The following GPD2 variants were observed in gnomAD, a reference collection of about 807,000 sequenced individuals.
The protein encoded by GPD2 is glycerol-3-phosphate dehydrogenase, mitochondrial.
GPD2 carries 54 observed loss-of-function variants against 82.4 expected under a neutral mutation model. The ratio of observed to expected loss-of-function variants is 0.66; its 90% CI spans 0.53 to 0.82. The LOEUF (loss-of-function observed/expected upper bound fraction) is 0.82, where lower values mean the gene tolerates loss of function less well. Among genes scored for constraint, GPD2 ranks in the 40% least tolerant of loss-of-function variants. The pLI is 0.00. For missense variants in GPD2, 748 were observed against 896.2 expected (o/e 0.83, Z 2.11); for synonymous variants, 288 against 306.1 (o/e 0.94, Z 0.62).
At position 156,555,480 on chromosome 2, in the gene GPD2, C is replaced by T. The variant is rs371185243; in HGVS notation, c.972-1909C>T. ...TAGTCCTTGATATAGTCATATAAAA[C>T]ATGTCAGCATATAATTCGTTTATCA... On this transcript the variant is annotated intron_variant, in intron 8 of 16. Transcript: ENST00000438166. 1.7e-3 allele frequency among the ~76,000 whole-genome samples: 253 copies of T among 152,218 alleles called. 10 individuals carry two copies. In the South Asian group the frequency reaches 0.032, roughly 19 times the overall value.
chr2:156,571,990 T>C (rs1262007985), intron 13 of GPD2, among the ~76,000 whole-genome samples: 2 of 152,206 alleles, frequency 1.3e-5, no homozygotes, highest in Non-Finnish European at 1.5e-5. Context: ...CTGCATTAGC[T>C]CTGGTCAATC....
At chr2:156,459,706 A>AAAAAAAAAAAAG (rs1553465808) in intron 1 of GPD2, among the ~76,000 whole-genome samples, 3 of 148,964 alleles carry the variant, frequency 2.0e-5, no homozygotes, top group Admixed American at 6.7e-5. Context: ...AAAAAAAAAA[A>AAAAAAAAAAAAG]AAAGAAAGAA....
the GPD2 span, among the ~76,000 whole-genome samples, chr2:156,414,678 C>T: frequency 6.6e-6 from 1 of 152,044 alleles, no homozygotes; most frequent in Admixed American, 6.6e-5. Context: ...AAGAAATAAA[C>T]TTTTTACATT....
At chr2:156,479,314 G>A (rs1026984257) in intron 2 of GPD2, among the ~76,000 whole-genome samples, 1 of 152,200 alleles carries the variant, frequency 6.6e-6, no homozygotes, top group African/African-American at 2.4e-5. Context: ...GCCATTGTAG[G>A]TGGGAGAATA....
At chr2:156,471,131 T>G (rs1473901715) in intron 1 of GPD2, among the ~76,000 whole-genome samples, 2 of 152,224 alleles carry the variant, frequency 1.3e-5, no homozygotes, top group Non-Finnish European at 1.5e-5. Context: ...CTAAAACCAC[T>G]TATTGTGTTC....
At chr2:156,417,466 TC>T in the GPD2 span, among the ~76,000 whole-genome samples, 1 of 152,316 alleles carries the variant, frequency 6.6e-6, no homozygotes, top group Admixed American at 6.5e-5. Flanking sequence ...TCTTGTGTAT[TC>T]CAGTTCCTGA....
intron 11 of GPD2, 88 bp from the exon 12 acceptor site, chr2:156,569,999 T>G: frequency 8.6e-7 from 1 of 1,163,988 alleles, no homozygotes; most frequent in Non-Finnish European, 1.3e-6. Flanking sequence ...GTAAGAAAAC[T>G]GACAAGATAA....
chr2:156,483,210 C>G (rs1010318955), intron 2 of GPD2, among the ~76,000 whole-genome samples: 2 of 152,042 alleles, frequency 1.3e-5, no homozygotes, highest in Non-Finnish European at 2.9e-5. Flanking sequence ...TGAATAGACC[C>G]CAAATAAAGC....
chr2:156,552,587 G>A (rs189337492), intron 8 of GPD2, among the ~76,000 whole-genome samples: 6 of 152,176 alleles, frequency 3.9e-5, no homozygotes, highest in African/African-American at 1.4e-4. Context: ...CATGTGTTGT[G>A]TGCCTTATGT....
chr2:156,567,282 T>A (rs1687427269), intron 9 of GPD2, among the ~76,000 whole-genome samples: 1 of 152,102 alleles, frequency 6.6e-6, no homozygotes, highest in African/African-American at 2.4e-5. Context: ...ACAAATCTAG[T>A]GTCATAAAGC....
intron 8 of GPD2, among the ~76,000 whole-genome samples, chr2:156,556,859 T>C (rs913775509): frequency 3.0e-4 from 45 of 152,216 alleles, no homozygotes; most frequent in African/African-American, 1.0e-3. Flanking sequence ...CATAAAGTAG[T>C]AAAGAACTTT....
chr2:156,516,582 C>T (rs1685204242), intron 6 of GPD2, among the ~76,000 whole-genome samples: 1 of 152,172 alleles, frequency 6.6e-6, no homozygotes, highest in South Asian at 2.1e-4. Context: ...TGGGATTACA[C>T]TTAGCATGTG....
intron 2 of GPD2, among the ~76,000 whole-genome samples, chr2:156,484,794 C>T (rs987110505): frequency 3.3e-5 from 5 of 152,190 alleles, no homozygotes; most frequent in Admixed American, 6.5e-5. Flanking sequence ...GAGCCGAGAT[C>T]GCACCACTGC....
intron 2 of GPD2, among the ~76,000 whole-genome samples, chr2:156,494,067 TA>T (rs1684282034): frequency 6.6e-6 from 1 of 152,090 alleles, no homozygotes; most frequent in Non-Finnish European, 1.5e-5. Flanking sequence ...ACTAAATGTA[TA>T]TAAAGGTAAA....
At chr2:156,568,047 C>T (rs1365128633) in intron 9 of GPD2, among the ~76,000 whole-genome samples, 6 of 152,050 alleles carry the variant, frequency 3.9e-5, no homozygotes, top group Non-Finnish European at 8.8e-5. Flanking sequence ...AGAAAAAAGG[C>T]AGAGTATGGA....
chr2:156,499,286 T>C (rs1684500521), intron 3 of GPD2, among the ~76,000 whole-genome samples: 1 of 152,124 alleles, frequency 6.6e-6, no homozygotes, highest in African/African-American at 2.4e-5. Flanking sequence ...TGTTTGTGTG[T>C]CCAGTATTAC....
chr2:156,403,408 T>A, the GPD2 span, among the ~76,000 whole-genome samples: 1 of 152,160 alleles, frequency 6.6e-6, no homozygotes, highest in South Asian at 2.1e-4. Context: ...TTTCTCCTTG[T>A]ATGAGGGTGT....
upstream of GPD2, among the ~76,000 whole-genome samples, chr2:156,434,184 A>T (rs1573862475): frequency 6.6e-6 from 1 of 152,044 alleles, no homozygotes; most frequent in African/African-American, 2.4e-5. Context: ...GCTCACTGTA[A>T]CCTCTGCCTC....
intron 6 of GPD2, among the ~76,000 whole-genome samples, chr2:156,515,392 G>A (rs898559041): frequency 1.3e-5 from 2 of 151,590 alleles, no homozygotes; most frequent in Non-Finnish European, 2.9e-5. Context: ...AAAAGAAGAA[G>A]AAGAAAAGAA....
Sources: gnomAD v4.1 joint callset for allele counts (sites outside exome capture counted in the v4.1 genomes callset) on GRCh38, gnomAD v4.1.1 for gene constraint, MANE v1.5 for transcripts, NCBI Gene and HGNC (gene_info 2026-07-23, HGNC 2026-07-21) for gene names.